Variants in SYNPR observed in about 807,000 individuals in gnomAD.
SYNPR encodes the protein synaptoporin.
In SYNPR, 23 loss-of-function variants were observed where a neutral mutation model predicts 32.9. The ratio of observed to expected loss-of-function variants is 0.70; its 90% CI spans 0.50 to 0.99. The LOEUF is 0.99. Among genes scored for constraint, SYNPR ranks in the 50% least tolerant of loss-of-function variants. The pLI is 0.00. For missense variants in SYNPR, 318 were observed against 349.3 expected, an observed-to-expected ratio of 0.91 and a Z score of 0.71; for synonymous variants, 146 against 135.9, an observed-to-expected ratio of 1.07 and a Z score of -0.52.
chr3:63,569,336 T>G (rs575300049), intron 4 of SYNPR, among the ~76,000 whole-genome samples: 2 of 152,270 alleles, frequency 1.3e-5, no homozygotes, highest in South Asian at 4.1e-4. Context: ...TTTTTCCACA[T>G]TAAATACATC....
intron 2 of SYNPR, among the ~76,000 whole-genome samples, chr3:63,334,515 AGTGTGTGTGT>A (rs138498529): frequency 0.015 from 2,270 of 149,380 alleles, 54 homozygotes; most frequent in African/African-American, 0.046. Context: ...GTCTCAATGA[AGTGTGTGTGT>A]GTGTGTGTGT....
At chr3:63,286,055 G>A (rs1434019762) in intron 2 of SYNPR, among the ~76,000 whole-genome samples, 3 of 152,192 alleles carry the variant, frequency 2.0e-5, no homozygotes, top group Non-Finnish European at 4.4e-5. Flanking sequence ...AAAACTCTGA[G>A]GTAGAAATTT....
exon 3 of SYNPR, chr3:63,267,379 G>C (rs919851215): frequency 1.3e-5 from 2 of 152,272 alleles, no homozygotes; most frequent in African/African-American, 4.8e-5. Flanking sequence ...AACCTGAGGG[G>C]ACTTCCAGCT....
intron 3 of SYNPR, among the ~76,000 whole-genome samples, chr3:63,544,354 A>G (rs1702361831): frequency 6.6e-6 from 1 of 152,126 alleles, no homozygotes; most frequent in African/African-American, 2.4e-5. Context: ...TTTTCTCAAA[A>G]AGGATTTGTT....
intron 2 of SYNPR, among the ~76,000 whole-genome samples, chr3:63,477,763 C>A (rs1291579093): frequency 6.6e-6 from 1 of 152,214 alleles, no homozygotes; most frequent in Non-Finnish European, 1.5e-5. Flanking sequence ...TTCTCCCTTA[C>A]AGGGATCAGT....
At chr3:63,589,352 T>C (rs933248078) in intron 4 of SYNPR, among the ~76,000 whole-genome samples, 6 of 152,114 alleles carry the variant, frequency 3.9e-5, no homozygotes, top group Admixed American at 2.6e-4. Context: ...TTGTGATTGA[T>C]TAACAGCTCT....
At chr3:63,204,351 C>A in the SYNPR span, among the ~76,000 whole-genome samples, 3 of 152,150 alleles carry the variant, frequency 2.0e-5, no homozygotes, top group Non-Finnish European at 4.4e-5. Flanking sequence ...CAACTCAGAC[C>A]TCTCCCTACA....
At chr3:63,516,082 T>C (rs1359634348) in intron 3 of SYNPR, among the ~76,000 whole-genome samples, 1 of 152,106 alleles carries the variant, frequency 6.6e-6, no homozygotes, top group Non-Finnish European at 1.5e-5. Flanking sequence ...CAAGGCAAAT[T>C]TCTCATTAGT....
intron 2 of SYNPR, among the ~76,000 whole-genome samples, chr3:63,372,990 C>T (rs985307649): frequency 6.6e-6 from 1 of 152,148 alleles, no homozygotes; most frequent in Non-Finnish European, 1.5e-5. Flanking sequence ...TAATGTACTC[C>T]CTTGTGAAAC....
chr3:63,288,011 C>A (rs550260776), intron 2 of SYNPR, among the ~76,000 whole-genome samples: 1 of 152,310 alleles, frequency 6.6e-6, no homozygotes, highest in Admixed American at 6.5e-5. Flanking sequence ...ACTGTCCTGC[C>A]TGCCCTCTCT....
At chr3:63,461,379 G>C (rs1012758769) in intron 2 of SYNPR, among the ~76,000 whole-genome samples, 1 of 152,026 alleles carries the variant, frequency 6.6e-6, no homozygotes, top group South Asian at 2.1e-4. Flanking sequence ...TTCTTTCCAG[G>C]AAACGTAAAC....
chr3:63,244,282 C>A (rs1321928646), intron 1 of SYNPR, among the ~76,000 whole-genome samples: 1 of 152,046 alleles, frequency 6.6e-6, no homozygotes, highest in Non-Finnish European at 1.5e-5. Flanking sequence ...TCTTATCCTT[C>A]CCCTGCTCTC....
At chr3:63,574,536 A>G (rs576309909) in intron 4 of SYNPR, among the ~76,000 whole-genome samples, 36 of 152,318 alleles carry the variant, frequency 2.4e-4, no homozygotes, top group African/African-American at 8.2e-4. Context: ...TAAACATCCC[A>G]TGAGGCAAAG....
At chr3:63,593,042 A>G (rs551575637) in intron 4 of SYNPR, among the ~76,000 whole-genome samples, 27 of 152,212 alleles carry the variant, frequency 1.8e-4, no homozygotes, top group Admixed American at 3.3e-4. Flanking sequence ...CTTAACCACT[A>G]TGTGATAATT....
At chr3:63,326,657 C>A (rs1057350499) in intron 2 of SYNPR, among the ~76,000 whole-genome samples, 1 of 152,102 alleles carries the variant, frequency 6.6e-6, no homozygotes, top group South Asian at 2.1e-4. Context: ...GGTCTTCTAT[C>A]TTCTCATAGT....
At chr3:63,517,468 G>T (rs576272503) in intron 3 of SYNPR, among the ~76,000 whole-genome samples, 111 of 152,104 alleles carry the variant, frequency 7.3e-4, no homozygotes, top group African/African-American at 2.6e-3. Flanking sequence ...TAGAAAAACG[G>T]ACACTTCTAG....
chr3:63,615,338 T>G lies in SYNPR; in HGVS notation c.715T>G (p.Ser239Ala), dbSNP rs1700263848. The G allele has an allele frequency of 1.2e-6, 2 of 1,613,800 alleles. No homozygotes were observed. The highest frequency in any genetic ancestry group is 1.7e-6 in the Non-Finnish European group (2 of 1,179,882). Residue 239 changes from serine (S) to alanine (A), a missense_variant, in exon 6 of 6, where the codon TCC becomes GCC. Physicochemically the swap from Ser to Ala is moderately conservative, Grantham distance 99. Coordinates refer to ENST00000478300, the MANE Select transcript of SYNPR (RefSeq NM_001130003.2). ...RYLSDPMEKHSSSYNQGGYNQ... is the reference protein window; with the variant it reads ...RYLSDPMEKHASSYNQGGYNQ... ...TCTTTCAGATCCAATGGAGAAGCAC[T>G]CCAGCAGCTATAATCAAGGTGGTTA...
At chr3:63,411,342 C>T (rs1030432882) in intron 2 of SYNPR, among the ~76,000 whole-genome samples, 4 of 152,076 alleles carry the variant, frequency 2.6e-5, no homozygotes, top group Non-Finnish European at 4.4e-5. Context: ...TTTGTGCAGT[C>T]ATTCAATGAA....
intron 2 of SYNPR, among the ~76,000 whole-genome samples, chr3:63,461,417 G>C (rs1700583049): frequency 1.3e-5 from 2 of 152,240 alleles, no homozygotes; most frequent in South Asian, 4.1e-4. Flanking sequence ...TCAAGCAGCA[G>C]CTGCCTCCTT....
Sources: allele counts gnomAD v4.1 joint callset (sites outside exome capture counted in the v4.1 genomes callset), GRCh38; gene constraint gnomAD v4.1.1; transcripts MANE v1.5; gene names NCBI Gene and HGNC (gene_info 2026-07-23, HGNC 2026-07-21).